The following PI4KA variants were observed in gnomAD, a reference collection of about 807,000 sequenced individuals.
PI4KA encodes the protein PI4-kinase alpha.
A neutral mutation model predicts 271.4 loss-of-function variants in PI4KA; 122 were observed. That is an observed-to-expected ratio of 0.45 (90% CI 0.39 to 0.52). PI4KA has a LOEUF of 0.52. PI4KA is among the 20% of genes least tolerant of loss of function. The pLI, the probability that PI4KA is intolerant of heterozygous loss-of-function variation, is 0.00. For synonymous variants in PI4KA, 1,041 were observed against 1,078.8 expected (o/e 0.96, Z 0.69); for missense variants, 1,969 against 2,769.1 (o/e 0.71, Z 6.48).
At chr22:20,816,129 C>T (rs911580328) in intron 7 of PI4KA, among the ~76,000 whole-genome samples, 6 of 151,926 alleles carry the variant, frequency 3.9e-5, no homozygotes, top group East Asian at 3.9e-4. Context: ...TAGTAGAGAT[C>T]GGGTTTTGCC....
In PI4KA at chr22:20,786,909, A is replaced by C. The variant is rs767441920; in HGVS notation, c.2328+6284T>G. 5.6e-6 allele frequency: 9 copies of C among 1,614,108 alleles called. No individual in the cohort carries two copies. The South Asian group carries it at 7.7e-5, about 14-fold the overall frequency. The stretch of plus-strand genomic sequence containing the variant: ...CAAGGCACGATCACAGTGAACGAGG[A>C]AGGCACCCAAGCCACCACTGTGACC... On this transcript the variant is annotated intron_variant, in intron 19 of 54. Transcript: ENST00000255882.
At chr22:20,770,618 ACACACACACACAC>A (rs1932832633) in intron 19 of PI4KA, among the ~76,000 whole-genome samples, 1 of 148,944 alleles carries the variant, frequency 6.7e-6, no homozygotes, top group Admixed American at 6.7e-5. Flanking sequence ...ACACACACAC[ACACACACACACAC>A]AAGCTGGACA....
rs1418285039 is a variant in PI4KA, at chr22:20,714,548, T to C, written c.5391-20A>G. The C allele has an allele frequency of 2.5e-6, 4 of 1,613,912 alleles. No individual in the cohort carries two copies. The highest frequency in any genetic ancestry group is 3.4e-6 in the Non-Finnish European group (4 of 1,179,824). On this transcript the variant is annotated intron_variant, in intron 46 of 54. Coordinates refer to ENST00000255882, the MANE Select transcript of PI4KA (RefSeq NM_058004.4). ...GCAGCACTGAAAACAACAAAAAGAATGTGGCACCCATGATGCAGCCGAGAA... is the reference window on the plus strand; with the variant it reads ...GCAGCACTGAAAACAACAAAAAGAACGTGGCACCCATGATGCAGCCGAGAA...
rs538777946 is a variant in PI4KA at position 20,724,891 on chromosome 22, T to C, written c.4995+1597A>G. Among the ~76,000 whole-genome samples, 7 of 152,302 alleles carry C rather than the reference T, an allele frequency of 4.6e-5. No homozygotes were observed. In the South Asian group the frequency reaches 1.5e-3, roughly 32 times the overall value. ...GGGAGCCAGGGGGAAGGAAACAGGT[T>C]GCTGAAGAGAAGGTGCCTCATGACA... On this transcript the variant is annotated intron_variant, in intron 42 of 54. Transcript: ENST00000255882.
At chr22:20,815,822 GGGCTAAGTCCTGTGT>G (rs1569065924) in intron 7 of PI4KA, among the ~76,000 whole-genome samples, 1 of 152,294 alleles carries the variant, frequency 6.6e-6, no homozygotes, top group East Asian at 1.9e-4. Context: ...CATGAAATAT[GGGCTAAGTCCTGTGT>G]GGCTGAACCC....
At chr22:20,791,143 C>T (rs1422395253) in intron 19 of PI4KA, among the ~76,000 whole-genome samples, 2 of 152,194 alleles carry the variant, frequency 1.3e-5, no homozygotes, top group East Asian at 3.8e-4. Context: ...AAGTGCCCGA[C>T]AGATTTCCAC....
chr22:20,713,121 G>A lies in PI4KA; in HGVS notation c.5571+160C>T, dbSNP rs919853792. Reference sequence around the variant, plus strand: ...AAAGGGGCTGGAAGGAGAGGCCTCTGGGTTTTGCAGAAGCCCTAATTTACC... The same window carrying A: ...AAAGGGGCTGGAAGGAGAGGCCTCTAGGTTTTGCAGAAGCCCTAATTTACC... On this transcript the variant is annotated intron_variant, in intron 48 of 54. Coordinates refer to ENST00000255882, the MANE Select transcript of PI4KA (RefSeq NM_058004.4). The A allele has an allele frequency of 1.7e-5, 12 of 705,278 alleles. No individual in the cohort carries two copies. The African/African-American group carries it at 1.8e-4, about 10-fold the overall frequency. The allele number at this position is 705,278 out of a possible 1,614,324, so 43.7% of individuals were successfully genotyped here.
chr22:20,793,733 G>T (rs531871157), intron 18 of PI4KA, among the ~76,000 whole-genome samples: 53 of 152,266 alleles, frequency 3.5e-4, no homozygotes, highest in African/African-American at 1.2e-3. Context: ...CTATTTATAG[G>T]CTTCTGTATC....
rs1264921738 is a variant in PI4KA at position 20,774,408 on chromosome 22, T to A, written c.2329-8715A>T. Among the ~76,000 whole-genome samples the A allele has an allele frequency of 3.9e-5, 6 of 152,228 alleles. No homozygotes were observed. In the East Asian group the frequency reaches 1.2e-3, roughly 29 times the overall value. ...TTAAATTAATCGAATTGGATAACTG[T>A]CCTGTGATTATGTATGAGAATATCC... On this transcript the variant is annotated intron_variant, in intron 19 of 54. Transcript: ENST00000255882.
At chr22:20,832,751 G>T (rs572918729) in intron 3 of PI4KA, among the ~76,000 whole-genome samples, 1 of 152,234 alleles carries the variant, frequency 6.6e-6, no homozygotes, top group African/African-American at 2.4e-5. Context: ...CACTGTGCCC[G>T]GCCGGTTTTT....
At chr22:20,799,592 A>G (rs1004949888) in intron 15 of PI4KA, 79 bp downstream of exon 15, 7 of 956,970 alleles carry the variant, frequency 7.3e-6, no homozygotes, top group Non-Finnish European at 1.2e-5. Flanking sequence ...AGAGGCATGC[A>G]TACGCACAAT....
chr22:20,857,384 A>G (rs1468603097), intron 1 of PI4KA, among the ~76,000 whole-genome samples: 1 of 152,226 alleles, frequency 6.6e-6, no homozygotes, highest in African/African-American at 2.4e-5. Flanking sequence ...AGAACCGACA[A>G]GGCCAAGGAC....
At chr22:20,852,704 G>A (rs1000461971) in intron 1 of PI4KA, among the ~76,000 whole-genome samples, 8 of 152,096 alleles carry the variant, frequency 5.3e-5, no homozygotes, top group Non-Finnish European at 1.2e-4. Flanking sequence ...AAAGCAAAGG[G>A]AAAGAGGATA....
chr22:20,802,939 T>C (rs1037562175), intron 13 of PI4KA, among the ~76,000 whole-genome samples: 1 of 152,156 alleles, frequency 6.6e-6, no homozygotes, highest in African/African-American at 2.4e-5. Context: ...AGGATTTGCA[T>C]TTCAGACTTC....
intron 42 of PI4KA, among the ~76,000 whole-genome samples, chr22:20,725,241 G>A (rs2147218992): frequency 6.6e-6 from 1 of 152,288 alleles, no homozygotes; most frequent in South Asian, 2.1e-4. Context: ...GGGGAATAGG[G>A]CAGACAAGCT....
chr22:20,711,834 T>G (rs1190159005), intron 50 of PI4KA, among the ~76,000 whole-genome samples: 7 of 151,832 alleles, frequency 4.6e-5, no homozygotes, highest in African/African-American at 1.7e-4. Flanking sequence ...AACCTCTGCC[T>G]CCTGGGTTCA....
At chr22:20,804,524 T>C (rs903701834) in intron 11 of PI4KA, 124 bp from the exon 12 acceptor site, 1 of 705,474 alleles carries the variant, frequency 1.4e-6, no homozygotes. Flanking sequence ...CAGGGCTTAT[T>C]CATACTGAGA....
intron 23 of PI4KA, among the ~76,000 whole-genome samples, chr22:20,756,264 C>T (rs574183219): frequency 6.6e-5 from 10 of 150,936 alleles, no homozygotes; most frequent in African/African-American, 2.2e-4. Context: ...CAGGCTGGAG[C>T]GCAGTGGTGC....
chr22:20,707,693 C>T lies in PI4KA; in HGVS notation c.*354G>A, dbSNP rs574570686. 3.5e-3 allele frequency: 1,168 copies of T among 332,472 alleles called. 7 individuals carry two copies. Among genetic ancestry groups the T allele is most frequent in the Middle Eastern group, 7.1e-3 (7 of 990 alleles). The allele number at this position is 332,472 out of a possible 1,614,324, so 20.6% of individuals were successfully genotyped here. A position where few individuals can be genotyped will look rare whatever the true frequency, so the allele number is the denominator to read the frequency against. On this transcript the variant is annotated 3_prime_UTR_variant, in exon 55 of 55. Transcript: ENST00000255882. ...GACTTGACACAAAACCTCACAGATT[C>T]CAACACAGCACTATTTTGGGTTTTT...
Sources: allele counts gnomAD v4.1 joint callset (sites outside exome capture counted in the v4.1 genomes callset), GRCh38; gene constraint gnomAD v4.1.1; transcripts MANE v1.5; gene names NCBI Gene and HGNC (gene_info 2026-07-23, HGNC 2026-07-21).